The following ACTL8 variants were observed in gnomAD, a reference collection of about 807,000 sequenced individuals.
ACTL8 encodes the protein actin like 8.
In ACTL8, 3 loss-of-function variants were observed where a neutral mutation model predicts 9.3. The ratio of observed to expected loss-of-function variants is 0.32; its 90% CI spans 0.15 to 0.83. The LOEUF is 0.83. Ranked by LOEUF, ACTL8 falls within the 40% of genes least tolerant of loss-of-function variation. The pLI, the probability that ACTL8 is intolerant of heterozygous loss-of-function variation, is 0.57. For synonymous variants in ACTL8, 224 were observed against 205.9 expected (o/e 1.09, Z -0.75); for missense variants, 381 against 492.2 (o/e 0.77, Z 2.14).
In ACTL8 at chr1:17,817,142, T is replaced by C. The variant is rs182823200; in HGVS notation, c.-24-5843T>C. On this transcript the variant is annotated intron_variant, in intron 1 of 2. Transcript: ENST00000375406. ...GGAAAGAGGGCTGAAGGAGGCTTACTTCATCCTGGTGAGCATCAGAAGCCT... is the reference window on the plus strand; with the variant it reads ...GGAAAGAGGGCTGAAGGAGGCTTACCTCATCCTGGTGAGCATCAGAAGCCT... Among the ~76,000 whole-genome samples, 16 of 152,284 alleles carry C rather than the reference T, an allele frequency of 1.1e-4. No individual in the cohort carries two copies. In the East Asian group the frequency reaches 2.9e-3, roughly 28 times the overall value.
chr1:17,764,622 C>T (rs1287562349), intron 1 of ACTL8, among the ~76,000 whole-genome samples: 2 of 152,142 alleles, frequency 1.3e-5, no homozygotes, highest in Admixed American at 6.5e-5. Flanking sequence ...GGTTCAGCCT[C>T]GTCCTCCTTG....
At chr1:17,757,216 G>A (rs2065973260) in intron 1 of ACTL8, among the ~76,000 whole-genome samples, 3 of 151,924 alleles carry the variant, frequency 2.0e-5, no homozygotes, top group African/African-American at 4.8e-5. Context: ...CTCTTCCTTC[G>A]AGCCACAGTC....
At chr1:17,763,352 G>T (rs2066021188) in intron 1 of ACTL8, among the ~76,000 whole-genome samples, 1 of 138,464 alleles carries the variant, frequency 7.2e-6, no homozygotes, top group African/African-American at 2.5e-5. Context: ...TCAAGTGACG[G>T]GGTAGCGTGG....
In ACTL8 at chr1:17,806,990, G is replaced by A. The variant is rs775325936; in HGVS notation, c.-24-15995G>A. Reference sequence around the variant, plus strand: ...CTAGGGAAATATCCATGTCTTTGCCGTTTCCAGCTTGTGGAGGCCACCTGC... The same window carrying A: ...CTAGGGAAATATCCATGTCTTTGCCATTTCCAGCTTGTGGAGGCCACCTGC... On this transcript the variant is annotated intron_variant, in intron 1 of 2. Coordinates refer to ENST00000375406, the MANE Select transcript of ACTL8 (RefSeq NM_030812.3). 7.2e-5 allele frequency among the ~76,000 whole-genome samples: 11 copies of A among 152,288 alleles called. No homozygotes were observed. The South Asian group carries it at 1.0e-3, about 14-fold the overall frequency.
chr1:17,768,449 G>A (rs2066061595), intron 1 of ACTL8, among the ~76,000 whole-genome samples: 1 of 152,248 alleles, frequency 6.6e-6, no homozygotes, highest in South Asian at 2.1e-4. Context: ...GTCAGAAGAA[G>A]AGAGGCTGGG....
rs562413268 is a variant in ACTL8 at position 17,758,384 on chromosome 1, G to C, written c.-25+2880G>C. Among the ~76,000 whole-genome samples the C allele has an allele frequency of 5.9e-5, 9 of 152,324 alleles. No homozygotes were observed. The South Asian group carries it at 1.9e-3, about 32-fold the overall frequency. On this transcript the variant is annotated intron_variant, in intron 1 of 2. Coordinates refer to ENST00000375406, the MANE Select transcript of ACTL8 (RefSeq NM_030812.3). ...GCAGCCTACTAGAGTATTATTTCAT[G>C]TATTTTTATATGTGATAGAAAGTTC...
At chr1:17,815,246 A>G (rs545793111) in intron 1 of ACTL8, among the ~76,000 whole-genome samples, 62 of 152,320 alleles carry the variant, frequency 4.1e-4, no homozygotes, top group African/African-American at 1.4e-3. Flanking sequence ...TTAAATATTT[A>G]CCGTTTCTGT....
At chr1:17,770,281 G>A (rs909756493) in intron 1 of ACTL8, among the ~76,000 whole-genome samples, 3 of 152,148 alleles carry the variant, frequency 2.0e-5, no homozygotes, top group Admixed American at 6.5e-5. Context: ...TTCTCTCCTC[G>A]TAGATTCAGA....
intron 1 of ACTL8, among the ~76,000 whole-genome samples, chr1:17,790,380 G>A (rs563274139): frequency 6.6e-6 from 1 of 152,332 alleles, no homozygotes; most frequent in African/African-American, 2.4e-5. Flanking sequence ...TGGTTCCCAA[G>A]TTCTTGTCCC....
At chr1:17,815,965 T>C (rs1273750835) in intron 1 of ACTL8, among the ~76,000 whole-genome samples, 1 of 152,228 alleles carries the variant, frequency 6.6e-6, no homozygotes, top group Non-Finnish European at 1.5e-5. Flanking sequence ...TTTTATTTTT[T>C]ATTCTAAATT....
intron 1 of ACTL8, among the ~76,000 whole-genome samples, chr1:17,812,207 G>A (rs2066397774): frequency 6.6e-6 from 1 of 151,958 alleles, no homozygotes; most frequent in African/African-American, 2.4e-5. Flanking sequence ...CAGATAGTGT[G>A]AGTCTTCCAA....
In ACTL8 at chr1:17,775,539, A is replaced by G. The variant is rs113717387; in HGVS notation, c.-25+20035A>G. Among the ~76,000 whole-genome samples, 377 of 152,340 alleles carry G rather than the reference A, an allele frequency of 2.5e-3. 1 individual carries two copies. The highest frequency in any genetic ancestry group is 8.3e-3 in the African/African-American group (345 of 41,572). ...AGAAGCTCAGGCAGACCCAGAGGTG[A>G]CATCACAAGGAAACCATCACAGGCC... On this transcript the variant is annotated intron_variant, in intron 1 of 2. Transcript: ENST00000375406.
chr1:17,761,864 C>G (rs11809278), intron 1 of ACTL8, among the ~76,000 whole-genome samples: 2,699 of 152,262 alleles, frequency 0.018, 75 homozygotes, highest in African/African-American at 0.062. Context: ...AGCTGCCGCG[C>G]CCGGCCCTGT....
chr1:17,761,182 C>A (rs2065999814), intron 1 of ACTL8, among the ~76,000 whole-genome samples: 1 of 147,306 alleles, frequency 6.8e-6, no homozygotes, highest in Admixed American at 6.8e-5. Context: ...TGCTATGTTG[C>A]CCAGGCTGGT....
intron 1 of ACTL8, among the ~76,000 whole-genome samples, chr1:17,760,131 T>C (rs1045234704): frequency 6.6e-5 from 10 of 152,166 alleles, no homozygotes; most frequent in African/African-American, 2.2e-4. Context: ...TTTTGTGTTA[T>C]GCGTTTTCAT....
chr1:17,766,659 G>A (rs1468166751), intron 1 of ACTL8, among the ~76,000 whole-genome samples: 2 of 152,134 alleles, frequency 1.3e-5, no homozygotes. Context: ...CCACTTTACA[G>A]ATGAGGAAAC....
intron 1 of ACTL8, among the ~76,000 whole-genome samples, chr1:17,800,821 C>T (rs2066316712): frequency 6.6e-6 from 1 of 151,904 alleles, no homozygotes; most frequent in African/African-American, 2.4e-5. Flanking sequence ...TCTCAAACTC[C>T]TCACCTCGTG....
chr1:17,822,629 A>G (rs912470136), intron 1 of ACTL8, among the ~76,000 whole-genome samples: 1 of 152,170 alleles, frequency 6.6e-6, no homozygotes, highest in Non-Finnish European at 1.5e-5. Flanking sequence ...CCAAGTGGCA[A>G]GCTTCTTGCT....
chr1:17,761,485 G>A lies in ACTL8; in HGVS notation c.-25+5981G>A, dbSNP rs75092855. On this transcript the variant is annotated intron_variant, in intron 1 of 2. Coordinates refer to ENST00000375406, the MANE Select transcript of ACTL8 (RefSeq NM_030812.3). ...TGATCCGCCCAGGTAATCTTGCTGGGTCTTCATAGCTTCGACTTTAAAGTG... is the reference window on the plus strand; with the variant it reads ...TGATCCGCCCAGGTAATCTTGCTGGATCTTCATAGCTTCGACTTTAAAGTG... Among the ~76,000 whole-genome samples the A allele has an allele frequency of 2.7e-3, 416 of 152,186 alleles. 9 individuals are homozygous for A. The East Asian group carries it at 0.051, about 19-fold the overall frequency.
Sources: allele counts gnomAD v4.1 joint callset (sites outside exome capture counted in the v4.1 genomes callset), GRCh38; gene constraint gnomAD v4.1.1; transcripts MANE v1.5; gene names NCBI Gene and HGNC (gene_info 2026-07-23, HGNC 2026-07-21).